Variants in DMXL2 observed in about 807,000 individuals in gnomAD.
The protein encoded by DMXL2 is dmX-like protein 2.
DMXL2 carries 103 observed loss-of-function variants against 331.1 expected under a neutral mutation model. The observed-to-expected ratio is 0.31, with a 90% confidence interval of 0.27 to 0.37. The LOEUF (loss-of-function observed/expected upper bound fraction) is 0.37. Ranked by LOEUF, DMXL2 falls within the 10% of genes least tolerant of loss-of-function variation. The probability of loss-of-function intolerance (pLI) is 1.00; values close to 1 mark genes in which losing one functional copy is unlikely to be tolerated. For missense variants in DMXL2, 3,171 were observed against 3,642.9 expected, an observed-to-expected ratio of 0.87 and a Z score of 3.33; for synonymous variants, 1,281 against 1,252.1, an observed-to-expected ratio of 1.02 and a Z score of -0.49.
chr15:51,600,103 G>A (rs1265178198), intron 1 of DMXL2, among the ~76,000 whole-genome samples: 3 of 152,170 alleles, frequency 2.0e-5, no homozygotes, highest in Admixed American at 6.5e-5. Flanking sequence ...TTTGTGTAGT[G>A]AATTCCTATA....
chr15:51,514,824 GAAA>G (rs35796044), intron 14 of DMXL2, among the ~76,000 whole-genome samples: 9 of 126,710 alleles, frequency 7.1e-5, no homozygotes, highest in African/African-American at 1.5e-4. Flanking sequence ...TGCTTCTCAG[GAAA>G]AAAAAAAAAA....
chr15:51,485,930 A>T, intron 23 of DMXL2, 143 bp downstream of exon 23: 1 of 820,574 alleles, frequency 1.2e-6, no homozygotes, highest in African/African-American at 1.7e-5. Context: ...CTAATCCTTT[A>T]GACACACAAG....
At chr15:51,464,336 G>C (rs1852263450) in intron 32 of DMXL2, among the ~76,000 whole-genome samples, 1 of 152,120 alleles carries the variant, frequency 6.6e-6, no homozygotes, top group South Asian at 2.1e-4. Context: ...GGAGGTTGAG[G>C]CTGCAGTGAG....
At position 51,537,613 on chromosome 15, in the gene DMXL2, G is replaced by C; in HGVS notation, c.1492C>G (p.Leu498Val). The change falls in exon 11 of 44, where the codon CTG becomes GTG. Residue 498 changes from leucine to valine, a missense_variant. Transcript: ENST00000560891. ...TVLLDRKIETLLTEWNKNPDM... is the reference protein window; with the variant it reads ...TVLLDRKIETVLTEWNKNPDM... ...GGATTCTTATTCCATTCAGTTAGCA[G>C]CGTTTCAATCTTCCGATCAAGCAGA... 6.2e-7 allele frequency: 1 copy of C among 1,613,822 alleles called. No individual in the cohort carries two copies. Among genetic ancestry groups the C allele is most frequent in the Non-Finnish European group, 8.5e-7 (1 of 1,179,864 alleles).
rs541892733 is a variant in DMXL2 at position 51,556,009 on chromosome 15, T to G, written c.567+7372A>C. Among the ~76,000 whole-genome samples the G allele has an allele frequency of 3.9e-5, 6 of 152,264 alleles. 1 individual carries two copies. The South Asian group carries it at 1.2e-3, about 32-fold the overall frequency. Reference sequence around the variant, plus strand: ...GGACATTATGAAAACGGGAAAATTATTGGCCGAATCTCACTCTAACACATA... The same window carrying G: ...GGACATTATGAAAACGGGAAAATTAGTGGCCGAATCTCACTCTAACACATA... On this transcript the variant is annotated intron_variant, in intron 6 of 43. Transcript: ENST00000560891.
intron 14 of DMXL2, 105 bp downstream of exon 14, chr15:51,516,973 A>T: frequency 2.3e-6 from 2 of 885,022 alleles, no homozygotes; most frequent in Non-Finnish European, 3.6e-6. Flanking sequence ...GTCTGCATTT[A>T]ATAACAAACA....
At chr15:51,461,840 A>G (rs1222943867) in intron 33 of DMXL2, among the ~76,000 whole-genome samples, 2 of 152,140 alleles carry the variant, frequency 1.3e-5, no homozygotes, top group African/African-American at 2.4e-5. Flanking sequence ...ATGCCTGGCT[A>G]AAATCTTTTA....
chr15:51,528,904 A>ATT (rs2047839396), intron 13 of DMXL2, among the ~76,000 whole-genome samples: 1 of 152,206 alleles, frequency 6.6e-6, no homozygotes, highest in African/African-American at 2.4e-5. Context: ...AAATAATATC[A>ATT]AGCATCTTCT....
Position 51,468,678 on chromosome 15 carries a change from G to T in DMXL2, c.7393-2367C>A, listed in dbSNP as rs1477916737. On this transcript the variant is annotated intron_variant, in intron 29 of 43. Coordinates refer to ENST00000560891, the MANE Select transcript of DMXL2 (RefSeq NM_001378457.1). ...CAAATACATGAAAAATGAATGACAGGATTATATTATCATAATTTAAAACTT... is the reference window on the plus strand; with the variant it reads ...CAAATACATGAAAAATGAATGACAGTATTATATTATCATAATTTAAAACTT... Among the ~76,000 whole-genome samples the T allele has an allele frequency of 3.2e-4, 49 of 152,124 alleles. 1 individual carries two copies. The highest frequency in any genetic ancestry group is 3.1e-3 in the Admixed American group (48 of 15,282).
chr15:51,558,326 A>AT (rs939525016), intron 6 of DMXL2, among the ~76,000 whole-genome samples: 3 of 152,184 alleles, frequency 2.0e-5, no homozygotes, highest in African/African-American at 7.2e-5. Context: ...TTACACTTGA[A>AT]TCCTTATCTC....
At chr15:51,492,785 C>G (rs969707521) in intron 19 of DMXL2, among the ~76,000 whole-genome samples, 1 of 152,138 alleles carries the variant, frequency 6.6e-6, no homozygotes, top group Non-Finnish European at 1.5e-5. Flanking sequence ...ATTTTAGAAA[C>G]AAAGAAATGT....
intron 8 of DMXL2, among the ~76,000 whole-genome samples, chr15:51,542,941 A>T (rs1435107007): frequency 6.6e-6 from 1 of 152,166 alleles, no homozygotes; most frequent in Non-Finnish European, 1.5e-5. Context: ...CAAATTCATG[A>T]TATCTATTAC....
intron 20 of DMXL2, among the ~76,000 whole-genome samples, chr15:51,489,681 G>A (rs2042656152): frequency 6.6e-6 from 1 of 150,996 alleles, no homozygotes; most frequent in African/African-American, 2.4e-5. Context: ...AAGAAAGAAA[G>A]AAAAAGAAAA....
chr15:51,480,776 C>T lies in DMXL2; in HGVS notation c.6330G>A (p.Leu2110=). 3 of 1,601,424 alleles carry T rather than the reference C, an allele frequency of 1.9e-6. No homozygotes were observed. Among genetic ancestry groups the T allele is most frequent in the Non-Finnish European group, 2.6e-6 (3 of 1,171,816 alleles). ...KTYSKVESDL[L]DQEEMVDKPD... ...GTTTGTCTACCATTTCTTCCTGATC[C>T]AGCAGATCACTCTCTACTTTGGAAT... Residue 2110 remains leucine (L), a synonymous_variant, in exon 24 of 44, where the codon CTG becomes CTA. Transcript: ENST00000560891.
chr15:51,477,634 T>C (rs1224509046), intron 26 of DMXL2, among the ~76,000 whole-genome samples: 1 of 152,114 alleles, frequency 6.6e-6, no homozygotes, highest in African/African-American at 2.4e-5. Flanking sequence ...AATCTACTAT[T>C]ATAAACTTTT....
In DMXL2 at chr15:51,448,937, T is replaced by C; in HGVS notation, c.*47A>G. The C allele has an allele frequency of 1.3e-6, 2 of 1,561,756 alleles. No homozygotes were observed. Among genetic ancestry groups the C allele is most frequent in the Non-Finnish European group, 1.8e-6 (2 of 1,140,570 alleles). On this transcript the variant is annotated 3_prime_UTR_variant, in exon 44 of 44. Transcript: ENST00000560891. ...AAGCAGAATTGCCTAGTGATGACTG[T>C]AGTGTGCCTTTTAACTGAAATGTAT...
At position 51,502,001 on chromosome 15, in the gene DMXL2, T is replaced by G. The variant is rs374425285; in HGVS notation, c.2992+805A>C. ...ATCCCAGCACTTTGGGAGGCTGAGG[T>G]GGGTGGATCACGAGGTCAGGAGATC... On this transcript the variant is annotated intron_variant, in intron 17 of 43. Coordinates refer to ENST00000560891, the MANE Select transcript of DMXL2 (RefSeq NM_001378457.1). 1.3e-4 allele frequency among the ~76,000 whole-genome samples: 20 copies of G among 149,756 alleles called. No individual in the cohort carries two copies. The East Asian group carries it at 4.0e-3, about 30-fold the overall frequency.
rs143994019 is a variant in DMXL2 at position 51,511,838 on chromosome 15, C to T, written c.2644+2604G>A. ...GGATAAAGAAAATGTAGCACATATA[C>T]ACCATGGAATACTATGCAGCCATAA... is the stretch of plus-strand genomic sequence containing the variant. On this transcript the variant is annotated intron_variant, in intron 15 of 43. Transcript: ENST00000560891. Among the ~76,000 whole-genome samples, 952 of 152,296 alleles carry T rather than the reference C, an allele frequency of 6.3e-3. 16 individuals are homozygous for T. Among genetic ancestry groups the T allele is most frequent in the African/African-American group, 0.022 (918 of 41,544 alleles).
chr15:51,582,075 G>C (rs1361427199), intron 1 of DMXL2, among the ~76,000 whole-genome samples: 1 of 152,064 alleles, frequency 6.6e-6, no homozygotes, highest in Non-Finnish European at 1.5e-5. Flanking sequence ...ATTTTATTAA[G>C]AGTTAGAAAA....
Sources: gnomAD v4.1 joint callset for allele counts (sites outside exome capture counted in the v4.1 genomes callset) on GRCh38, gnomAD v4.1.1 for gene constraint, MANE v1.5 for transcripts, NCBI Gene and HGNC (gene_info 2026-07-23, HGNC 2026-07-21) for gene names.